CDH12: variants seen among roughly 807,000 people sequenced by gnomAD.
The protein encoded by CDH12 is cadherin 12.
A neutral mutation model predicts 74.1 loss-of-function variants in CDH12; 41 were observed. The observed-to-expected ratio is 0.55, with a 90% CI of 0.43 to 0.72. The LOEUF is 0.72. Among genes scored for constraint, CDH12 ranks in the 30% least tolerant of loss-of-function variants. CDH12 has a pLI of 0.00. For missense variants in CDH12, 945 were observed against 977.2 expected (o/e 0.97, Z 0.44); for synonymous variants, 399 against 355.0 (o/e 1.12, Z -1.39).
chr5:22,329,015 A>ATTTT (rs1739239477), intron 3 of CDH12, among the ~76,000 whole-genome samples: 1 of 152,206 alleles, frequency 6.6e-6, no homozygotes, highest in African/African-American at 2.4e-5. Context: ...AGGCAAAATA[A>ATTTT]ACAAGACAAG....
intron 4 of CDH12, among the ~76,000 whole-genome samples, chr5:22,122,215 C>G (rs576103388): frequency 1.3e-5 from 2 of 152,094 alleles, no homozygotes; most frequent in African/African-American, 2.4e-5. Context: ...CCGGCCTGGC[C>G]AACATGGTGA....
chr5:22,401,698 G>A (rs1028903872), intron 3 of CDH12, among the ~76,000 whole-genome samples: 1 of 152,048 alleles, frequency 6.6e-6, no homozygotes, highest in African/African-American at 2.4e-5. Flanking sequence ...AATATGTGAG[G>A]GTGACATTAT....
At chr5:21,847,828 C>A (rs1200629934) in intron 7 of CDH12, among the ~76,000 whole-genome samples, 1 of 152,084 alleles carries the variant, frequency 6.6e-6, no homozygotes, top group Non-Finnish European at 1.5e-5. Flanking sequence ...AACATTCTCT[C>A]CTTAGTCTTT....
intron 5 of CDH12, among the ~76,000 whole-genome samples, chr5:22,053,474 G>A (rs928024521): frequency 6.6e-6 from 1 of 151,904 alleles, no homozygotes. Flanking sequence ...ACACTGTCAA[G>A]TGTTATCCCG....
chr5:21,844,661 C>G (rs2149989667), intron 7 of CDH12, among the ~76,000 whole-genome samples: 1 of 152,222 alleles, frequency 6.6e-6, no homozygotes, highest in African/African-American at 2.4e-5. Flanking sequence ...CACATCTACT[C>G]TTAACTCTGA....
rs1744108285 is a variant in CDH12, at chr5:21,751,984, A to C, written c.2138T>G (p.Ile713Arg). ...QRPPMEDNTD[I>R]RDFIHQRLQE... ...TAGCCTTTGATGAATGAAATCCCTT[A>C]TGTCTGTGTTATCTTCCATGGGTGG... Residue 713 changes from isoleucine to arginine, a missense_variant, in exon 15 of 15, where the codon ATA becomes AGA. By Grantham distance (97) the Ile-to-Arg change is moderately conservative. This residue lies in a region of CDH12 where 791 missense variants were observed against 792.8 expected (regional missense o/e 1.00). Transcript: ENST00000382254. The C allele has an allele frequency of 6.2e-7, 1 of 1,613,944 alleles. No individual in the cohort carries two copies. The highest frequency in any genetic ancestry group is 8.5e-7 in the Non-Finnish European group (1 of 1,179,970).
intron 3 of CDH12, among the ~76,000 whole-genome samples, chr5:22,324,723 G>T (rs1011474304): frequency 1.3e-5 from 2 of 151,928 alleles, no homozygotes; most frequent in African/African-American, 4.8e-5. Context: ...ATAAATAAAA[G>T]AATTTATACC....
intron 1 of CDH12, among the ~76,000 whole-genome samples, chr5:22,671,999 A>C (rs1255248761): frequency 7.1e-6 from 1 of 140,362 alleles, no homozygotes; most frequent in African/African-American, 2.6e-5. Flanking sequence ...ATCTTTACTG[A>C]AGCATTTATA....
intron 6 of CDH12, among the ~76,000 whole-genome samples, chr5:21,880,592 C>CCTTCTTTCT (rs1752233892): frequency 3.0e-4 from 16 of 53,246 alleles, no homozygotes; most frequent in East Asian, 6.9e-4. Flanking sequence ...TCCTTCCTTC[C>CCTTCTTTCT]TTCCTTCCTT....
At chr5:22,793,594 C>T (rs1369590464) in intron 1 of CDH12, among the ~76,000 whole-genome samples, 5 of 152,274 alleles carry the variant, frequency 3.3e-5, no homozygotes, top group Middle Eastern at 3.4e-3. Context: ...ATGAATAATG[C>T]TTTCATGAAA....
intron 4 of CDH12, among the ~76,000 whole-genome samples, chr5:22,163,729 G>T (rs1305786777): frequency 6.6e-6 from 1 of 152,104 alleles, no homozygotes; most frequent in Non-Finnish European, 1.5e-5. Context: ...CCAAGAATTA[G>T]AAATTTGATC....
chr5:22,782,667 T>C (rs950221404), intron 1 of CDH12, among the ~76,000 whole-genome samples: 4 of 152,162 alleles, frequency 2.6e-5, no homozygotes, highest in African/African-American at 9.6e-5. Flanking sequence ...TAACTATTCA[T>C]TGACAATCAT....
chr5:21,883,636 T>C (rs560776951), intron 6 of CDH12: 2 of 1,611,906 alleles, frequency 1.2e-6, no homozygotes, highest in East Asian at 4.5e-5. Context: ...GGAGAGGTCA[T>C]TGTGACCAAA....
At chr5:21,864,093 G>A (rs1338814494) in intron 6 of CDH12, among the ~76,000 whole-genome samples, 1 of 151,526 alleles carries the variant, frequency 6.6e-6, no homozygotes, top group Non-Finnish European at 1.5e-5. Flanking sequence ...TATAAAAAAG[G>A]CATTATGCAG....
intron 14 of CDH12, among the ~76,000 whole-genome samples, chr5:21,753,707 C>T (rs1361002437): frequency 6.6e-6 from 1 of 152,060 alleles, no homozygotes; most frequent in Non-Finnish European, 1.5e-5. Context: ...CTGCTGTATA[C>T]CAAAAATTCA....
intron 1 of CDH12, among the ~76,000 whole-genome samples, chr5:22,823,756 T>C (rs943912184): frequency 1.3e-5 from 2 of 152,068 alleles, no homozygotes; most frequent in Non-Finnish European, 2.9e-5. Flanking sequence ...GATGGTTTTA[T>C]AAATGGCAGT....
intron 1 of CDH12, among the ~76,000 whole-genome samples, chr5:22,770,194 A>G (rs1366819807): frequency 6.6e-6 from 1 of 152,086 alleles, no homozygotes. Flanking sequence ...TCTTCAACTG[A>G]TAAACAGGAT....
In CDH12 at chr5:22,585,756, C is replaced by A. The variant is rs1248308079; in HGVS notation, c.-522-80392G>T. 3.3e-5 allele frequency among the ~76,000 whole-genome samples: 5 copies of A among 151,984 alleles called. 1 individual carries two copies. The highest frequency in any genetic ancestry group is 7.4e-5 in the Non-Finnish European group (5 of 68,014). ...AAGTTTAATTTTGTTATTTTCAGAG[C>A]TGCTTTTTTACTTTTTTGGAGCTTT... On this transcript the variant is annotated intron_variant, in intron 1 of 14. Coordinates refer to ENST00000382254, the MANE Select transcript of CDH12 (RefSeq NM_004061.5).
At chr5:22,802,201 A>T (rs1157837357) in intron 1 of CDH12, among the ~76,000 whole-genome samples, 1 of 147,108 alleles carries the variant, frequency 6.8e-6, no homozygotes, top group Non-Finnish European at 1.5e-5. Flanking sequence ...GGCTCACTGC[A>T]AGCTCTGCCT....
Sources: allele counts gnomAD v4.1 joint callset (sites outside exome capture counted in the v4.1 genomes callset), GRCh38; gene constraint gnomAD v4.1.1; regional missense constraint gnomAD v4.1.1; transcripts MANE v1.5; gene names NCBI Gene and HGNC (gene_info 2026-07-23, HGNC 2026-07-21).